The following SLC29A3 variants were observed in gnomAD, a reference collection of about 807,000 sequenced individuals.
SLC29A3 encodes the protein solute carrier family 29 member 3.
Under a neutral mutation model 25.4 loss-of-function variants are expected in SLC29A3, and 18 were observed. The observed-to-expected ratio is 0.71, with a 90% CI of 0.49 to 1.05. The LOEUF is 1.05. Ranked by LOEUF, SLC29A3 falls within the 50% of genes least tolerant of loss-of-function variation. The pLI, the probability that SLC29A3 is intolerant of heterozygous loss-of-function variation, is 0.00. For missense variants in SLC29A3, 586 were observed against 609.0 expected, an observed-to-expected ratio of 0.96 and a Z score of 0.40; for synonymous variants, 258 against 267.1, an observed-to-expected ratio of 0.97 and a Z score of 0.33.
chr10:71,338,941 G>A (rs558858383), intron 2 of SLC29A3, among the ~76,000 whole-genome samples: 2 of 152,140 alleles, frequency 1.3e-5, no homozygotes, highest in South Asian at 2.1e-4. Context: ...GATGCACCGC[G>A]ACCCCAGTGA....
chr10:71,352,832 G>A (rs1291185742), intron 4 of SLC29A3: 1 of 152,266 alleles, frequency 6.6e-6, no homozygotes, highest in Non-Finnish European at 1.5e-5. Flanking sequence ...AAAAGGAGCG[G>A]GTCAGGAACC....
chr10:71,349,879 AGGGT>A (rs1394013742), intron 3 of SLC29A3, among the ~76,000 whole-genome samples: 1 of 152,204 alleles, frequency 6.6e-6, no homozygotes, highest in East Asian at 1.9e-4. Context: ...CACGATGCCC[AGGGT>A]GGGTTTTGTG....
chr10:71,329,457 CA>C (rs1554814829), intron 2 of SLC29A3, among the ~76,000 whole-genome samples: 202 of 120,438 alleles, frequency 1.7e-3, no homozygotes, highest in South Asian at 2.2e-3. Flanking sequence ...GACTCTGTCT[CA>C]AAAAAAAAAA....
At chr10:71,349,381 A>T (rs1201778357) in intron 3 of SLC29A3, among the ~76,000 whole-genome samples, 1 of 152,084 alleles carries the variant, frequency 6.6e-6, no homozygotes, top group Non-Finnish European at 1.5e-5. Flanking sequence ...AACTGGCTAG[A>T]TGGCAGCCAG....
intron 2 of SLC29A3, among the ~76,000 whole-genome samples, chr10:71,338,398 T>A (rs1002962668): frequency 6.6e-6 from 1 of 152,134 alleles, no homozygotes; most frequent in African/African-American, 2.4e-5. Context: ...GCGGTGGGAT[T>A]TGAGAGAAAA....
chr10:71,375,387 C>T (rs1847243201), intron 3 of SLC29A3, among the ~76,000 whole-genome samples: 1 of 152,194 alleles, frequency 6.6e-6, no homozygotes, highest in Admixed American at 6.5e-5. Flanking sequence ...ATCCTGATTA[C>T]CCACAGGAGA....
At position 71,370,532 on chromosome 10, in the gene SLC29A3, T is replaced by C. The variant is rs910202022; in HGVS notation, c.*95-5163T>C. ...CTTATTTGTTTATTTATTTATTATA[T>C]ATATTTTAAGAGATGGAGTCTTGCT... is the stretch of plus-strand genomic sequence containing the variant. On this transcript the variant is annotated intron_variant and NMD_transcript_variant, in intron 3 of 4. Transcript: ENST00000642772. Among the ~76,000 whole-genome samples, 3 of 152,260 alleles carry C rather than the reference T, an allele frequency of 2.0e-5. No individual in the cohort carries two copies. In the East Asian group the frequency reaches 5.8e-4, roughly 29 times the overall value.
At chr10:71,367,671 C>G (rs1358159078), downstream of SLC29A3, among the ~76,000 whole-genome samples, 1 of 152,126 alleles carries the variant, frequency 6.6e-6, no homozygotes, top group Non-Finnish European at 1.5e-5. Context: ...TGGGCTTGAC[C>G]CTGAAGGAGA....
At chr10:71,321,506 C>T (rs973021248) in intron 1 of SLC29A3, among the ~76,000 whole-genome samples, 1 of 152,336 alleles carries the variant, frequency 6.6e-6, no homozygotes, top group East Asian at 1.9e-4. Flanking sequence ...GCTGCCACAT[C>T]CTAGGTGCTA....
chr10:71,319,588 G>A (rs530368833), intron 1 of SLC29A3: 2 of 376,638 alleles, frequency 5.3e-6, no homozygotes, highest in African/African-American at 2.1e-5. Context: ...GCCTGGTATG[G>A]ACCCGTCGGC....
At chr10:71,339,846 G>GC (rs1846351096) in intron 2 of SLC29A3, among the ~76,000 whole-genome samples, 1 of 151,934 alleles carries the variant, frequency 6.6e-6, no homozygotes, top group Non-Finnish European at 1.5e-5. Flanking sequence ...ACCCCCCAGA[G>GC]CCCCTCCTTC....
chr10:71,375,581 C>T (rs1246429862), intron 3 of SLC29A3: 1 of 152,066 alleles, frequency 6.6e-6, no homozygotes, highest in Non-Finnish European at 1.5e-5. Context: ...AAAGTAATGA[C>T]ATACAGATTT....
chr10:71,343,353 A>G (rs1271237606), intron 2 of SLC29A3, among the ~76,000 whole-genome samples: 4 of 152,216 alleles, frequency 2.6e-5, no homozygotes, highest in African/African-American at 9.6e-5. Flanking sequence ...TTGAGTTTTC[A>G]CAGACACATA....
At chr10:71,339,814 G>A (rs1043543729) in intron 2 of SLC29A3, among the ~76,000 whole-genome samples, 5 of 151,960 alleles carry the variant, frequency 3.3e-5, no homozygotes, top group South Asian at 4.2e-4. Flanking sequence ...TCCAGCTGCC[G>A]TCCAAGATGG....
intron 1 of SLC29A3, 138 bp downstream of exon 1, chr10:71,319,448 C>A (rs1050923963): frequency 1.0e-4 from 46 of 460,986 alleles, no homozygotes; most frequent in Non-Finnish European, 1.5e-4. Flanking sequence ...CATCCGTGGT[C>A]CCTTCCCCAC....
rs1336341668 is a variant in SLC29A3, at chr10:71,344,289, C to T, written c.381C>T (p.Asn127=). The part of the protein sequence containing the change: ...LCLVANFLLV[N]RVAVHIRVLA... ...TGGTGGCCAACTTCCTGCTTGTCAA[C>T]AGGTAGGCGACTCTCTTCCCTCTCT... is the stretch of plus-strand genomic sequence containing the variant. The change falls in exon 3 of 6, where the codon AAC becomes AAT. Residue 127 remains asparagine (N), a splice_region_variant and synonymous_variant. Coordinates refer to ENST00000373189, the MANE Select transcript of SLC29A3 (RefSeq NM_018344.6). 7 of 1,613,272 alleles carry T rather than the reference C, an allele frequency of 4.3e-6. No individual in the cohort carries two copies. The highest frequency in any genetic ancestry group is 5.9e-6 in the Non-Finnish European group (7 of 1,179,308).
chr10:71,333,215 G>A (rs192375285), intron 2 of SLC29A3, among the ~76,000 whole-genome samples: 57 of 152,358 alleles, frequency 3.7e-4, no homozygotes, highest in Middle Eastern at 6.8e-3. Flanking sequence ...CTGGGTGCCT[G>A]GGACCTCCTT....
chr10:71,362,462 T>C lies in SLC29A3; in HGVS notation c.1282T>C (p.Tyr428His), dbSNP rs556018923. Residue 428 changes from tyrosine to histidine, a missense_variant, in exon 6 of 6, where the codon TAC becomes CAC. Transcript: ENST00000373189. ...CTCCCTGCTGGGGCTCAGCAACGGC[T>C]ACCTCAGCACCCTGGCCCTCCTCTA... ...LSSLLGLSNG[Y>H]LSTLALLYGP... The C allele has an allele frequency of 8.1e-6, 13 of 1,614,210 alleles. No homozygotes were observed. The South Asian group carries it at 1.3e-4, about 16-fold the overall frequency.
intron 5 of SLC29A3, among the ~76,000 whole-genome samples, chr10:71,358,304 T>G (rs1423747109): frequency 6.6e-6 from 1 of 152,152 alleles, no homozygotes; most frequent in African/African-American, 2.4e-5. Flanking sequence ...AGAACAGCGA[T>G]TCCCCCTGGG....
Sources: allele counts gnomAD v4.1 joint callset (sites outside exome capture counted in the v4.1 genomes callset), GRCh38; gene constraint gnomAD v4.1.1; transcripts MANE v1.5; gene names NCBI Gene and HGNC (gene_info 2026-07-23, HGNC 2026-07-21).